Variants in CDH13 observed in about 807,000 individuals in gnomAD.
CDH13 encodes cadherin-13.
Under a neutral mutation model 63.8 loss-of-function variants are expected in CDH13, and 24 were observed. The ratio of observed to expected loss-of-function variants is 0.38; its 90% CI spans 0.27 to 0.53. CDH13 has a LOEUF of 0.53. Among genes scored for constraint, CDH13 ranks in the 20% least tolerant of loss-of-function variants. CDH13 has a pLI of 0.85. For synonymous variants in CDH13, 503 were observed against 355.3 expected (o/e 1.42, Z -4.67); for missense variants, 1,049 against 903.1 (o/e 1.16, Z -2.07).
chr16:82,847,049 C>T (rs2039288585), intron 1 of CDH13, among the ~76,000 whole-genome samples: 1 of 152,148 alleles, frequency 6.6e-6, no homozygotes, highest in Non-Finnish European at 1.5e-5. Flanking sequence ...CTTCCTTCCC[C>T]ACCTCGCCTT....
intron 7 of CDH13, among the ~76,000 whole-genome samples, chr16:83,498,812 C>A (rs536207344): frequency 6.6e-6 from 1 of 152,310 alleles, no homozygotes; most frequent in Admixed American, 6.5e-5. Flanking sequence ...GTGGAACTTT[C>A]ATTCTCATCA....
At chr16:83,246,029 G>A (rs568564250) in intron 5 of CDH13, among the ~76,000 whole-genome samples, 4 of 152,294 alleles carry the variant, frequency 2.6e-5, no homozygotes, top group Admixed American at 6.5e-5. Flanking sequence ...GAACCACTGC[G>A]CCTGGCCCAA....
At chr16:82,789,888 C>T (rs943205436) in intron 1 of CDH13, among the ~76,000 whole-genome samples, 1 of 152,270 alleles carries the variant, frequency 6.6e-6, no homozygotes, top group East Asian at 1.9e-4. Context: ...TGTGGGCACG[C>T]TCCTGCGGAG....
intron 2 of CDH13, among the ~76,000 whole-genome samples, chr16:82,980,842 G>C (rs1910166193): frequency 1.3e-5 from 2 of 152,152 alleles, no homozygotes; most frequent in South Asian, 4.2e-4. Flanking sequence ...GCATTCATGA[G>C]AGCCAAAAGG....
intron 3 of CDH13, among the ~76,000 whole-genome samples, chr16:83,053,070 C>T (rs866772523): frequency 4.6e-5 from 7 of 152,040 alleles, no homozygotes; most frequent in Non-Finnish European, 1.0e-4. Context: ...AAAAATAGTA[C>T]GAATTTCCAG....
At chr16:83,258,375 T>C (rs1187204474) in intron 5 of CDH13, among the ~76,000 whole-genome samples, 2 of 152,226 alleles carry the variant, frequency 1.3e-5, no homozygotes, top group African/African-American at 4.8e-5. Flanking sequence ...ACCTTCTTAA[T>C]GTATGCAATA....
intron 5 of CDH13, among the ~76,000 whole-genome samples, chr16:83,262,669 T>G (rs559085804): frequency 6.6e-6 from 1 of 152,022 alleles, no homozygotes; most frequent in Non-Finnish European, 1.5e-5. Flanking sequence ...TAAAGAAATA[T>G]GAAAAAATGG....
intron 1 of CDH13, among the ~76,000 whole-genome samples, chr16:82,792,783 T>G (rs1401666898): frequency 6.6e-6 from 1 of 152,206 alleles, no homozygotes; most frequent in African/African-American, 2.4e-5. Context: ...GAATGACTGT[T>G]TATTTGGAAA....
chr16:83,534,475 A>C (rs758611252), intron 7 of CDH13, among the ~76,000 whole-genome samples: 1 of 152,252 alleles, frequency 6.6e-6, no homozygotes, highest in East Asian at 1.9e-4. Context: ...CAAATAAGCC[A>C]TCAAATGTTA....
chr16:83,016,732 A>T (rs147793739), intron 2 of CDH13, among the ~76,000 whole-genome samples: 1 of 152,224 alleles, frequency 6.6e-6, no homozygotes, highest in South Asian at 2.1e-4. Context: ...CCTGGAATCA[A>T]GGTAGCACAA....
chr16:83,312,609 C>A (rs1431791160), intron 5 of CDH13, among the ~76,000 whole-genome samples: 3 of 152,172 alleles, frequency 2.0e-5, no homozygotes, highest in African/African-American at 7.2e-5. Flanking sequence ...ACTGACACCC[C>A]TGCCAGGTCT....
intron 5 of CDH13, among the ~76,000 whole-genome samples, chr16:83,320,616 AT>A (rs1269677222): frequency 1.3e-5 from 2 of 152,188 alleles, no homozygotes; most frequent in Admixed American, 1.3e-4. Flanking sequence ...ACAAGAACAG[AT>A]TTTTCCCCCA....
chr16:83,261,260 G>C (rs1351390549), intron 5 of CDH13, among the ~76,000 whole-genome samples: 1 of 152,158 alleles, frequency 6.6e-6, no homozygotes, highest in African/African-American at 2.4e-5. Flanking sequence ...GAAGGTAAGT[G>C]CTTTTGCTAA....
At chr16:83,459,081 C>T (rs1567686894) in intron 6 of CDH13, among the ~76,000 whole-genome samples, 1 of 152,212 alleles carries the variant, frequency 6.6e-6, no homozygotes, top group Admixed American at 6.5e-5. Flanking sequence ...TGGCCAACAG[C>T]ACAATACCAA....
chr16:83,503,962 G>C (rs539801185), intron 7 of CDH13, among the ~76,000 whole-genome samples: 1 of 151,696 alleles, frequency 6.6e-6, no homozygotes, highest in African/African-American at 2.4e-5. Context: ...TGGGGGGTGG[G>C]GGGCAAGGGA....
intron 3 of CDH13, among the ~76,000 whole-genome samples, chr16:83,077,172 CT>C (rs59169986): frequency 0.02 from 2,078 of 103,292 alleles, 52 homozygotes; most frequent in African/African-American, 0.073. Flanking sequence ...CTTTTCTTTT[CT>C]TTTTTTTCTT....
intron 5 of CDH13, among the ~76,000 whole-genome samples, chr16:83,288,972 C>T (rs1473998638): frequency 6.6e-6 from 1 of 152,160 alleles, no homozygotes; most frequent in African/African-American, 2.4e-5. Flanking sequence ...ACCTGGGCTC[C>T]CATTAACTGC....
chr16:83,035,460 A>G (rs532035831), intron 3 of CDH13, among the ~76,000 whole-genome samples: 13 of 152,308 alleles, frequency 8.5e-5, no homozygotes, highest in Admixed American at 2.6e-4. Flanking sequence ...CTCCTTAGCA[A>G]CTGGAGGCAG....
intron 5 of CDH13, among the ~76,000 whole-genome samples, chr16:83,245,422 A>C (rs1345683043): frequency 1.3e-5 from 2 of 152,242 alleles, no homozygotes; most frequent in Non-Finnish European, 2.9e-5. Flanking sequence ...ATAAGTGTTA[A>C]ATTGAAATAC....
Sources: allele counts gnomAD v4.1 joint callset (sites outside exome capture counted in the v4.1 genomes callset), GRCh38; gene constraint gnomAD v4.1.1; transcripts MANE v1.5; gene names NCBI Gene and HGNC (gene_info 2026-07-23, HGNC 2026-07-21).